AUH: variants seen among roughly 807,000 people sequenced by gnomAD.
AUH encodes AU RNA binding methylglutaconyl-CoA hydratase.
In AUH, 29 loss-of-function variants were observed where a neutral mutation model predicts 42.3. The ratio of observed to expected loss-of-function variants is 0.69; its 90% CI spans 0.51 to 0.93. The LOEUF (loss-of-function observed/expected upper bound fraction) is 0.93, where lower values mean the gene tolerates loss of function less well. Ranked by LOEUF, AUH falls within the 40% of genes least tolerant of loss-of-function variation. The probability of loss-of-function intolerance (pLI) is 0.00; values close to 1 mark genes in which losing one functional copy is unlikely to be tolerated. For missense variants in AUH, 452 were observed against 438.1 expected (o/e 1.03, Z -0.28); for synonymous variants, 174 against 166.4 (o/e 1.05, Z -0.35).
At chr9:91,249,312 AAAAAAAAAAAAG>A (rs1227534484) in intron 6 of AUH, among the ~76,000 whole-genome samples, 13 of 150,646 alleles carry the variant, frequency 8.6e-5, no homozygotes, top group Non-Finnish European at 1.5e-4. Flanking sequence ...AAAAAAAAAA[AAAAAAAAAAAAG>A]AACACAATAT....
chr9:91,359,193 C>T (rs1197002298), intron 1 of AUH, among the ~76,000 whole-genome samples: 1 of 152,286 alleles, frequency 6.6e-6, no homozygotes, highest in Admixed American at 6.5e-5. Flanking sequence ...TTTGCTGAGA[C>T]TTTAAAAACA....
chr9:91,351,396 G>A (rs1011752837), intron 3 of AUH, among the ~76,000 whole-genome samples: 1 of 152,144 alleles, frequency 6.6e-6, no homozygotes, highest in Non-Finnish European at 1.5e-5. Flanking sequence ...TATAAGTATC[G>A]TATTTATATG....
At chr9:91,328,530 G>A (rs748950265) in intron 3 of AUH, among the ~76,000 whole-genome samples, 4 of 152,172 alleles carry the variant, frequency 2.6e-5, no homozygotes, top group South Asian at 2.1e-4. Context: ...GCCGTAGCAC[G>A]AAGCAGCAGC....
At chr9:91,359,402 A>C (rs1269955941) in intron 1 of AUH, among the ~76,000 whole-genome samples, 1 of 152,028 alleles carries the variant, frequency 6.6e-6, no homozygotes, top group African/African-American at 2.4e-5. Context: ...TGTTGTTGCT[A>C]TTTTACATAA....
At chr9:91,244,347 G>A (rs1172020806) in intron 6 of AUH, among the ~76,000 whole-genome samples, 1 of 152,154 alleles carries the variant, frequency 6.6e-6, no homozygotes, top group Non-Finnish European at 1.5e-5. Context: ...ATAAAATGTT[G>A]GGGGATAACT....
chr9:91,349,436 T>C (rs1030309497), intron 3 of AUH, among the ~76,000 whole-genome samples: 9 of 152,232 alleles, frequency 5.9e-5, no homozygotes, highest in Non-Finnish European at 1.2e-4. Flanking sequence ...AAAAATGTTC[T>C]GGTAAAAACA....
chr9:91,297,839 C>A (rs1827471120), intron 5 of AUH, 145 bp downstream of exon 5: 4 of 708,344 alleles, frequency 5.6e-6, no homozygotes, highest in Admixed American at 2.6e-5. Context: ...GTGGGAATTT[C>A]GAAAACACCA....
intron 3 of AUH, among the ~76,000 whole-genome samples, chr9:91,332,373 G>A (rs981674525): frequency 6.6e-6 from 1 of 152,036 alleles, no homozygotes; most frequent in African/African-American, 2.4e-5. Context: ...GTGGTGGCGG[G>A]TGCCTGTAAT....
intron 6 of AUH, among the ~76,000 whole-genome samples, chr9:91,223,734 A>AT (rs34082764): frequency 6.6e-6 from 1 of 151,480 alleles, no homozygotes; most frequent in African/African-American, 2.4e-5. Flanking sequence ...AACACTTACT[A>AT]TTTTTTTTTA....
intron 6 of AUH, among the ~76,000 whole-genome samples, chr9:91,267,783 T>A (rs942997295): frequency 6.6e-6 from 1 of 152,136 alleles, no homozygotes; most frequent in Non-Finnish European, 1.5e-5. Flanking sequence ...AAAGGTGATG[T>A]AGGGAGCTCA....
In AUH at chr9:91,214,275, C is replaced by A; in HGVS notation, c.*73G>T. 7.9e-7 allele frequency: 1 copy of A among 1,263,838 alleles called. No individual in the cohort carries two copies. The highest frequency in any genetic ancestry group is 1.3e-5 in the South Asian group (1 of 79,540). 78.3% of individuals were successfully genotyped at this position (1,263,838 alleles called of 1,614,324 possible). On this transcript the variant is annotated 3_prime_UTR_variant, in exon 10 of 10. Transcript: ENST00000375731. ...GTCATTAAGGTTCCATGTGCTGAGG[C>A]ATATAGTGGATCCGAAAGACACTTC... is the stretch of plus-strand genomic sequence containing the variant.
In AUH at chr9:91,361,661, G is replaced by T; in HGVS notation, c.229C>A (p.Leu77Met). The T allele has an allele frequency of 6.3e-7, 1 of 1,583,074 alleles. No homozygotes were observed. The highest frequency in any genetic ancestry group is 8.6e-7 in the Non-Finnish European group (1 of 1,164,842). The change falls in exon 1 of 10, where the codon CTG (leucine) becomes ATG (methionine). Residue 77 changes from leucine (L) to methionine (M), a missense_variant. By Grantham distance (15) the Leu-to-Met change is conservative (BLOSUM62 2). Transcript: ENST00000375731. ...YSSEMKTEDE[L>M]RVRHLEEENR... ...TCCTCCTCCAGGTGCCGCACCCGCAGCTCGTCCTCCGTCTTCATCTCAGAG... is the reference window on the plus strand; with the variant it reads ...TCCTCCTCCAGGTGCCGCACCCGCATCTCGTCCTCCGTCTTCATCTCAGAG...
At chr9:91,274,004 C>T (rs1203727016) in intron 6 of AUH, among the ~76,000 whole-genome samples, 5 of 152,066 alleles carry the variant, frequency 3.3e-5, no homozygotes, top group East Asian at 3.8e-4. Flanking sequence ...TTAAAAATAA[C>T]GGGCACACAA....
chr9:91,329,455 T>C (rs1830179394), intron 3 of AUH, among the ~76,000 whole-genome samples: 1 of 152,168 alleles, frequency 6.6e-6, no homozygotes. Flanking sequence ...GAGTGTGAAG[T>C]GGTACCTATA....
At chr9:91,229,138 A>T (rs1178468885) in intron 6 of AUH, among the ~76,000 whole-genome samples, 4 of 144,760 alleles carry the variant, frequency 2.8e-5, no homozygotes, top group Non-Finnish European at 6.1e-5. Flanking sequence ...TGATCTGTCT[A>T]ATGTTGACAG....
At chr9:91,269,523 AT>A (rs1335648532) in intron 6 of AUH, among the ~76,000 whole-genome samples, 2 of 152,240 alleles carry the variant, frequency 1.3e-5, no homozygotes, top group Non-Finnish European at 1.5e-5. Context: ...TCAATATATG[AT>A]TCTGCTAGTA....
At chr9:91,326,503 A>G (rs1245290179) in intron 3 of AUH, among the ~76,000 whole-genome samples, 1 of 152,244 alleles carries the variant, frequency 6.6e-6, no homozygotes, top group African/African-American at 2.4e-5. Flanking sequence ...TGTTACCTGT[A>G]TAAGCATGAA....
At chr9:91,240,377 C>T (rs555261159) in intron 6 of AUH, among the ~76,000 whole-genome samples, 1 of 152,240 alleles carries the variant, frequency 6.6e-6, no homozygotes, top group African/African-American at 2.4e-5. Flanking sequence ...CCTGCCCAAC[C>T]CTCACTCACA....
intron 6 of AUH, among the ~76,000 whole-genome samples, chr9:91,289,088 CTT>C (rs930596420): frequency 5.3e-5 from 8 of 152,256 alleles, no homozygotes; most frequent in South Asian, 2.1e-4. Context: ...CATTAATTCT[CTT>C]GTCTTTATCA....
Sources: gnomAD v4.1 joint callset for allele counts (sites outside exome capture counted in the v4.1 genomes callset) on GRCh38, gnomAD v4.1.1 for gene constraint, MANE v1.5 for transcripts, NCBI Gene and HGNC (gene_info 2026-07-23, HGNC 2026-07-21) for gene names.